The following POU5F1 variants were observed in gnomAD, a reference collection of about 807,000 sequenced individuals.
POU5F1 encodes POU domain, class 5, transcription factor 1.
In POU5F1, 6 loss-of-function variants were observed where a neutral mutation model predicts 38.3. That is an observed-to-expected ratio of 0.16 (90% CI 0.09 to 0.31). POU5F1 has a LOEUF of 0.31. Ranked by LOEUF, POU5F1 falls within the 10% of genes least tolerant of loss-of-function variation. POU5F1 has a pLI of 1.00. For missense variants in POU5F1, 286 were observed against 462.6 expected, an observed-to-expected ratio of 0.62 and a Z score of 3.50; for synonymous variants, 147 against 194.9, an observed-to-expected ratio of 0.75 and a Z score of 2.05.
intron 1 of POU5F1, among the ~76,000 whole-genome samples, chr6:31,168,570 A>C (rs1777450945): frequency 6.6e-6 from 1 of 152,224 alleles, no homozygotes. Flanking sequence ...AGGAAGCAGT[A>C]TAATTTGAGA....
At chr6:31,166,674 A>AG in intron 1 of POU5F1, 1 of 1,122,852 alleles carries the variant, frequency 8.9e-7, no homozygotes, top group East Asian at 4.3e-5. Flanking sequence ...AAAAAAAAAA[A>AG]GAAGATAGTT....
rs558239925 is a variant in POU5F1 at position 31,170,524 on chromosome 6, G to A, written c.97C>T (p.Arg33Trp). ...GGGCCTTGGAAGCTTAGCCAGGTCCGAGGATCAACCCAGCCCGGCTCCGGC... is the reference window on the plus strand; with the variant it reads ...GGGCCTTGGAAGCTTAGCCAGGTCCAAGGATCAACCCAGCCCGGCTCCGGC... ...GGPEPGWVDP[R>W]TWLSFQGPPG... The change falls in exon 1 of 5, where the codon CGG becomes TGG. Residue 33 changes from arginine to tryptophan, a missense_variant. By Grantham distance (101) the Arg-to-Trp change is moderately radical. Transcript: ENST00000259915. 194 of 1,587,612 alleles carry A rather than the reference G, an allele frequency of 1.2e-4. 2 individuals are homozygous for A. The East Asian group carries it at 3.4e-3, about 28-fold the overall frequency.
intron 1 of POU5F1, chr6:31,166,291 T>A (rs1777241468): frequency 1.3e-6 from 2 of 1,522,402 alleles, no homozygotes; most frequent in African/African-American, 1.4e-5. Context: ...AACTGGCACA[T>A]CCAAGGGATG....
intron 1 of POU5F1, chr6:31,169,797 A>C: frequency 8.4e-6 from 2 of 237,844 alleles, no homozygotes; most frequent in Admixed American, 5.0e-5. Context: ...TGGGTCTGAT[A>C]AGGGTCAAAT....
rs9263796 is a variant in POU5F1 at position 31,165,106 on chromosome 6, C to G, written c.816+22G>C. On this transcript the variant is annotated intron_variant, in intron 4 of 4. Transcript: ENST00000259915. This position sits in a 1 kb window ranked among gnomAD's most constrained non-coding sequence, Gnocchi z 6.5. ...GGTGACAGGGGAAAGAGATGGAGCC[C>G]GCAGAGAGACATGGCACTCACATCC... The G allele has an allele frequency of 1.1e-5, 17 of 1,600,594 alleles. No individual in the cohort carries two copies. Among genetic ancestry groups the G allele is most frequent in the Admixed American group, 1.7e-5 (1 of 58,662 alleles).
Position 31,170,293 on chromosome 6 carries a change from C to A in POU5F1, c.328G>T (p.Ala110Ser). 6.2e-7 allele frequency: 1 copy of A among 1,612,830 alleles called. No individual in the cohort carries two copies. Among genetic ancestry groups the A allele is most frequent in the East Asian group, 2.2e-5 (1 of 44,878 alleles). ...GTGACGGTGCAGGGCTCCGGGGAGG[C>A]CCCATCGGAGTTGCTCTCCACCCCG... ...GVGVESNSDG[A>S]SPEPCTVTPG... The change falls in exon 1 of 5, where the codon GCC (alanine) becomes TCC (serine). Residue 110 changes from alanine (A) to serine (S), a missense_variant. Ala to Ser is a moderately conservative substitution (Grantham distance 99). This residue lies in a region of POU5F1 where 176 missense variants were observed against 184.8 expected (regional missense o/e 0.95). Coordinates refer to ENST00000259915, the MANE Select transcript of POU5F1 (RefSeq NM_002701.6).
Position 31,165,841 on chromosome 6 carries a change from G to A in POU5F1, c.526+86C>T. On this transcript the variant is annotated intron_variant, in intron 2 of 4. Transcript: ENST00000259915. This position sits in a 1 kb window ranked among gnomAD's most constrained non-coding sequence, Gnocchi z 6.5. ...CTCCCTACTCCTCTTCATGGGTGAG[G>A]GTAGTCTGCCCCTGCCCCTCCCCAC... is the stretch of plus-strand genomic sequence containing the variant. The A allele has an allele frequency of 2.7e-6, 4 of 1,504,062 alleles. No individual in the cohort carries two copies. Among genetic ancestry groups the A allele is most frequent in the Non-Finnish European group, 3.5e-6 (4 of 1,129,258 alleles). 93.2% of individuals were successfully genotyped at this position (1,504,062 alleles called of 1,614,324 possible). A position where few individuals can be genotyped will look rare whatever the true frequency, so the allele number is the denominator to read the frequency against.
Position 31,170,096 on chromosome 6 carries a change from T to C in POU5F1, c.405+120A>G. 3.3e-6 allele frequency: 5 copies of C among 1,533,662 alleles called. No homozygotes were observed. The South Asian group carries it at 5.8e-5, about 18-fold the overall frequency. ...CACACCCCTCCCTGGCCAGGGCAGC[T>C]GACCCTGCCTGCTCCTCTCCTGGGT... On this transcript the variant is annotated intron_variant, in intron 1 of 4. Coordinates refer to ENST00000259915, the MANE Select transcript of POU5F1 (RefSeq NM_002701.6).
intron 1 of POU5F1, among the ~76,000 whole-genome samples, chr6:31,169,199 T>G (rs1777495266): frequency 6.6e-6 from 1 of 152,266 alleles, no homozygotes; most frequent in South Asian, 2.1e-4. Flanking sequence ...GATAATGATG[T>G]ATAAACGGAG....
At chr6:31,169,239 A>G (rs1195454995) in intron 1 of POU5F1, among the ~76,000 whole-genome samples, 1 of 152,206 alleles carries the variant, frequency 6.6e-6, no homozygotes, top group African/African-American at 2.4e-5. Flanking sequence ...GAAGTGGACC[A>G]CAATTGCCAG....
At position 31,167,027 on chromosome 6, in the gene POU5F1, A is replaced by G. The variant is rs1777320435; in HGVS notation, c.406-980T>C. 3 of 651,856 alleles carry G rather than the reference A, an allele frequency of 4.6e-6. No homozygotes were observed. In the East Asian group the frequency reaches 1.1e-4, roughly 25 times the overall value. 40.4% of individuals were successfully genotyped at this position (651,856 alleles called of 1,614,324 possible). On this transcript the variant is annotated intron_variant, in intron 1 of 4. Coordinates refer to ENST00000259915, the MANE Select transcript of POU5F1 (RefSeq NM_002701.6). The stretch of plus-strand genomic sequence containing the variant: ...ATCCTAATTGATTTTTAAATTCAAG[A>G]GATTTATCGAGCACCTTCTATAAGC...
At chr6:31,168,011 T>C (rs532447419) in intron 1 of POU5F1, among the ~76,000 whole-genome samples, 2 of 151,960 alleles carry the variant, frequency 1.3e-5, no homozygotes, top group Admixed American at 1.3e-4. Context: ...GGCGTGATCT[T>C]GGCTCACTGC....
intron 1 of POU5F1, among the ~76,000 whole-genome samples, chr6:31,168,505 G>T (rs1777447028): frequency 1.3e-5 from 2 of 152,160 alleles, no homozygotes; most frequent in South Asian, 2.1e-4. Context: ...AAAGTGCCTG[G>T]CCACACCTTT....
intron 1 of POU5F1, among the ~76,000 whole-genome samples, chr6:31,167,997 CTGTGGCGTGATCT>C (rs1160516817): frequency 1.3e-5 from 2 of 152,120 alleles, no homozygotes; most frequent in Non-Finnish European, 2.9e-5. Flanking sequence ...GGCTGGAGTG[CTGTGGCGTGATCT>C]TGGCTCACTG....
At position 31,165,035 on chromosome 6, in the gene POU5F1, ACAG is replaced by A; in HGVS notation, c.816+90_816+92del. 2.6e-6 allele frequency: 4 copies of A among 1,557,262 alleles called. No individual in the cohort carries two copies. Among genetic ancestry groups the A allele is most frequent in the Non-Finnish European group, 3.5e-6 (4 of 1,150,380 alleles). On this transcript the variant is annotated intron_variant, in intron 4 of 4. Coordinates refer to ENST00000259915, the MANE Select transcript of POU5F1 (RefSeq NM_002701.6). The surrounding 1 kb of genome is among the most constrained non-coding windows in gnomAD (Gnocchi z 6.5). ...TGCTTGGACATTCTGTCCAAAGCCA[ACAG>A]CCCTAGAGCAGTTGGAGGAGCCAGA...
chr6:31,170,036 T>A, intron 1 of POU5F1, 180 bp downstream of exon 1: 1 of 951,424 alleles, frequency 1.1e-6, no homozygotes, highest in Non-Finnish European at 1.5e-6. Flanking sequence ...ACTTCCCACC[T>A]GGCCCCTGCC....
At chr6:31,169,970 ACT>A (rs780218278) in intron 1 of POU5F1, 5 of 624,006 alleles carry the variant, frequency 8.0e-6, no homozygotes, top group Admixed American at 3.0e-5. Context: ...CCAGCTTCCG[ACT>A]CTCCCAGGCT....
At position 31,166,877 on chromosome 6, in the gene POU5F1, A is replaced by G. The variant is rs961733064; in HGVS notation, c.406-830T>C. The G allele has an allele frequency of 1.5e-5, 20 of 1,299,556 alleles. No homozygotes were observed. The African/African-American group carries it at 2.8e-4, about 18-fold the overall frequency. The allele number at this position is 1,299,556 out of a possible 1,614,324, so 80.5% of individuals were successfully genotyped here. On this transcript the variant is annotated intron_variant, in intron 1 of 4. Transcript: ENST00000259915. ...TCCCACAAACTATAACATGGCATGC[A>G]TACACACAAACACAGCAAAAAAGTA...
chr6:31,170,001 G>T, intron 1 of POU5F1: 1 of 731,932 alleles, frequency 1.4e-6, no homozygotes, highest in Non-Finnish European at 2.2e-6. Context: ...CTCACCGGCA[G>T]TTGTCTCTTC....
Sources: gnomAD v4.1 joint callset for allele counts (sites outside exome capture counted in the v4.1 genomes callset) on GRCh38, gnomAD v4.1.1 for gene constraint, gnomAD v4.1.1 regional missense constraint, Gnocchi (gnomAD v3.1) non-coding constraint, MANE v1.5 for transcripts, NCBI Gene and HGNC (gene_info 2026-07-23, HGNC 2026-07-21) for gene names.